The following ALB variants were observed in gnomAD, a reference collection of about 807,000 sequenced individuals.
ALB encodes the protein albumin.
A neutral mutation model predicts 74.5 loss-of-function variants in ALB; 37 were observed. That is an observed-to-expected ratio of 0.50 (90% CI 0.38 to 0.65). The LOEUF is 0.65. Among genes scored for constraint, ALB ranks in the 30% least tolerant of loss-of-function variants. The probability of loss-of-function intolerance (pLI) is 0.00; values close to 1 mark genes in which losing one functional copy is unlikely to be tolerated. For synonymous variants in ALB, 249 were observed against 251.6 expected, an observed-to-expected ratio of 0.99 and a Z score of 0.10; for missense variants, 685 against 718.7, an observed-to-expected ratio of 0.95 and a Z score of 0.54.
At chr4:73,415,285 T>C in intron 9 of ALB, 118 bp downstream of exon 9, 1 of 1,263,950 alleles carries the variant, frequency 7.9e-7, no homozygotes, top group Non-Finnish European at 1.1e-6. Context: ...TTTCTTGAGA[T>C]GGTTTCAATT....
chr4:73,420,229 A>T, intron 13 of ALB, 25 bp from the exon 14 acceptor site: 1 of 1,606,544 alleles, frequency 6.2e-7, no homozygotes, highest in Non-Finnish European at 8.5e-7. Flanking sequence ...TATTTTCCTA[A>T]CATCTGTCAT....
rs149141045 is a variant in ALB, at chr4:73,405,288, G to A, written c.137+115G>A. ...TCAGATTCTAAAACAGTGCTGCCTC[G>A]TAGAGTTTTCTGCGTTGAGGAAGAT... On this transcript the variant is annotated intron_variant, in intron 2 of 14. Transcript: ENST00000295897. 5.5e-4 allele frequency: 496 copies of A among 899,080 alleles called. 3 individuals are homozygous for A. In the African/African-American group the frequency reaches 7.3e-3, roughly 13 times the overall value. 55.7% of individuals were successfully genotyped at this position (899,080 alleles called of 1,614,324 possible).
chr4:73,413,665 C>A (rs377564472), intron 8 of ALB, 31 bp downstream of exon 8: 2 of 1,604,240 alleles, frequency 1.2e-6, no homozygotes, highest in African/African-American at 2.7e-5. Context: ...TCTTTTATAG[C>A]TTTGGCATGA....
chr4:73,416,943 A>G (rs55885351), intron 10 of ALB, among the ~76,000 whole-genome samples: 1 of 152,130 alleles, frequency 6.6e-6, no homozygotes, highest in South Asian at 2.1e-4. Flanking sequence ...TACAGTAGAT[A>G]TTTATTGTGT....
In ALB at chr4:73,415,087, C is replaced by G. The variant is rs1278283192; in HGVS notation, c.1111C>G (p.Leu371Val). ...TCCTGATTACTCTGTCGTGCTGCTG[C>G]TGAGACTTGCCAAGACATATGAAAC... is the stretch of plus-strand genomic sequence containing the variant. ...RHPDYSVVLL[L>V]RLAKTYETTL... Residue 371 changes from leucine (L) to valine (V), a missense_variant, in exon 9 of 15, where the codon CTG becomes GTG. Leu to Val is a conservative substitution (Grantham distance 32). Coordinates refer to ENST00000295897, the MANE Select transcript of ALB (RefSeq NM_000477.7). 1.9e-6 allele frequency: 3 copies of G among 1,614,112 alleles called. No homozygotes were observed. The highest frequency in any genetic ancestry group is 2.5e-6 in the Non-Finnish European group (3 of 1,180,006).
rs1318261150 is a variant in ALB, at chr4:73,420,248, G to A, written c.1786-6G>A. ...TTCCTAACATCTGTCATGTCTTTGT[G>A]TTCAGGGTAAAAAACTTGTTGCTGC... On this transcript the variant is annotated splice_polypyrimidine_tract_variant and splice_region_variant and intron_variant, in intron 13 of 14. Transcript: ENST00000295897. 2 of 1,611,694 alleles carry A rather than the reference G, an allele frequency of 1.2e-6. No individual in the cohort carries two copies. The highest frequency in any genetic ancestry group is 1.7e-6 in the Non-Finnish European group (2 of 1,178,308).
chr4:73,413,833 G>A (rs1718942940), intron 8 of ALB, among the ~76,000 whole-genome samples, 199 bp downstream of exon 8: 1 of 152,090 alleles, frequency 6.6e-6, no homozygotes, highest in Non-Finnish European at 1.5e-5. Context: ...ACATGTTCAT[G>A]GCAAAGCTCA....
intron 10 of ALB, among the ~76,000 whole-genome samples, chr4:73,416,703 G>A (rs1305815547): frequency 2.0e-5 from 3 of 152,186 alleles, no homozygotes; most frequent in Admixed American, 6.5e-5. Flanking sequence ...AGTAGGCCTT[G>A]AATAGATGTC....
intron 3 of ALB, among the ~76,000 whole-genome samples, chr4:73,407,482 C>G (rs527718503): frequency 6.6e-6 from 1 of 152,252 alleles, no homozygotes; most frequent in East Asian, 1.9e-4. Context: ...CATGTGTGTA[C>G]CACATTTTCT....
intron 5 of ALB, 62 bp from the exon 6 acceptor site, chr4:73,410,250 A>T (rs1390045976): frequency 7.8e-7 from 1 of 1,287,346 alleles, no homozygotes; most frequent in African/African-American, 1.5e-5. Flanking sequence ...ATCTGAGCTT[A>T]TGGAGGGGTG....
chr4:73,415,005 CAA>C, intron 8 of ALB, 28 bp from the exon 9 acceptor site: 2 of 1,612,094 alleles, frequency 1.2e-6, no homozygotes, highest in Non-Finnish European at 1.7e-6. Flanking sequence ...ATTTGTCCAA[CAA>C]AGTCTATTTT....
chr4:73,414,782 A>C (rs565789201), intron 8 of ALB, among the ~76,000 whole-genome samples: 9 of 152,190 alleles, frequency 5.9e-5, no homozygotes, highest in African/African-American at 2.2e-4. Context: ...TTTCCATTCT[A>C]CCGAGAAGGA....
At chr4:73,408,012 G>A (rs1227321544) in intron 3 of ALB, among the ~76,000 whole-genome samples, 2 of 151,986 alleles carry the variant, frequency 1.3e-5, no homozygotes, top group Non-Finnish European at 2.9e-5. Flanking sequence ...TTTTCCCTGG[G>A]GTTACAGTTA....
At position 73,417,621 on chromosome 4, in the gene ALB, A is replaced by T. The variant is rs754879907; in HGVS notation, c.1380A>T (p.Lys460Asn). ...GAAACCTAGGAAAAGTGGGCAGCAA[A>T]TGTTGTAAACATCCTGAAGCAAAAA... ...VSRNLGKVGS[K>N]CCKHPEAKRM... The change falls in exon 11 of 15, where the codon AAA becomes AAT. Residue 460 changes from lysine to asparagine, a missense_variant. Physicochemically the swap from Lys to Asn is moderately conservative, Grantham distance 94. Transcript: ENST00000295897. 3.1e-6 allele frequency: 5 copies of T among 1,614,034 alleles called. No individual in the cohort carries two copies. Among genetic ancestry groups the T allele is most frequent in the South Asian group, 2.2e-5 (2 of 91,076 alleles).
rs1718810894 is a variant in ALB, at chr4:73,409,355, A to G, written c.483A>G (p.Lys161=). ...ACTGTTTTTCTTTTTCAAAATTTAG[A>G]TACTTATATGAAATTGCCAGAAGAC... ...FHDNEETFLK[K]YLYEIARRHP... is the part of the protein sequence containing the mutation. Residue 161 remains lysine, a splice_region_variant and synonymous_variant, in exon 5 of 15, where the codon AAA becomes AAG. Coordinates refer to ENST00000295897, the MANE Select transcript of ALB (RefSeq NM_000477.7). 6.2e-7 allele frequency: 1 copy of G among 1,613,334 alleles called. No individual in the cohort carries two copies. Among genetic ancestry groups the G allele is most frequent in the Non-Finnish European group, 8.5e-7 (1 of 1,179,460 alleles).
intron 6 of ALB, 116 bp from the exon 7 acceptor site, chr4:73,411,879 TA>T: frequency 7.5e-7 from 1 of 1,341,018 alleles, no homozygotes. Context: ...TAATGAATTT[TA>T]AAAATTATTT....
intron 11 of ALB, 45 bp downstream of exon 11, chr4:73,417,714 T>A (rs1577941462): frequency 6.9e-7 from 1 of 1,451,252 alleles, no homozygotes; most frequent in Non-Finnish European, 9.3e-7. Context: ...GAAAAAATTT[T>A]ACCTTTAGAT....
intron 3 of ALB, among the ~76,000 whole-genome samples, chr4:73,407,240 G>A (rs1273692715): frequency 6.6e-6 from 1 of 152,030 alleles, no homozygotes; most frequent in East Asian, 1.9e-4. Context: ...AAAACTTTGT[G>A]CCCATTGATT....
intron 14 of ALB, 45 bp from the exon 15 acceptor site, chr4:73,421,047 T>A (rs1380461057): frequency 6.0e-6 from 4 of 669,838 alleles, no homozygotes; most frequent in Admixed American, 4.8e-5. Context: ...GAAAAACACA[T>A]GCCATTTTAC....
Sources: allele counts gnomAD v4.1 joint callset (sites outside exome capture counted in the v4.1 genomes callset), GRCh38; gene constraint gnomAD v4.1.1; transcripts MANE v1.5; gene names NCBI Gene and HGNC (gene_info 2026-07-23, HGNC 2026-07-21).